Variants in LPAR1 observed in about 807,000 individuals in gnomAD.
LPAR1 encodes lysophosphatidic acid receptor 1, also known as LPA receptor 1.
Under a neutral mutation model 23.8 loss-of-function variants are expected in LPAR1, and 5 were observed. That is an observed-to-expected ratio of 0.21 (90% CI 0.11 to 0.44). The LOEUF (loss-of-function observed/expected upper bound fraction) is 0.44, where lower values mean the gene tolerates loss of function less well. Among genes scored for constraint, LPAR1 ranks in the 20% least tolerant of loss-of-function variants. The pLI, the probability that LPAR1 is intolerant of heterozygous loss-of-function variation, is 0.99. For missense variants in LPAR1, 311 were observed against 482.8 expected (o/e 0.64, Z 3.33); for synonymous variants, 160 against 164.7 (o/e 0.97, Z 0.22).
At chr9:110,909,689 G>T (rs2092077229) in intron 5 of LPAR1, among the ~76,000 whole-genome samples, 1 of 151,890 alleles carries the variant, frequency 6.6e-6, no homozygotes, top group African/African-American at 2.4e-5. Flanking sequence ...GGTGATCTGT[G>T]ATCAGTGTTC....
At chr9:110,952,914 C>T (rs1170156471) in intron 4 of LPAR1, among the ~76,000 whole-genome samples, 1 of 152,160 alleles carries the variant, frequency 6.6e-6, no homozygotes, top group Non-Finnish European at 1.5e-5. Flanking sequence ...CTGCCCCAAC[C>T]ACCACCACTG....
intron 4 of LPAR1, among the ~76,000 whole-genome samples, chr9:110,947,980 G>A (rs1399688998): frequency 2.6e-5 from 4 of 152,178 alleles, no homozygotes; most frequent in African/African-American, 4.8e-5. Context: ...AGAGTGAGCC[G>A]GGGCGGGGGC....
intron 4 of LPAR1, among the ~76,000 whole-genome samples, chr9:110,955,506 T>C (rs533663709): frequency 1.3e-5 from 2 of 152,164 alleles, no homozygotes; most frequent in Admixed American, 6.5e-5. Flanking sequence ...ACTCTCAGCA[T>C]TGGGAAAAAA....
At position 110,875,575 on chromosome 9, in the gene LPAR1, C is replaced by T. The variant is rs769855870; in HGVS notation, c.941G>A (p.Arg314His). The T allele has an allele frequency of 5.6e-6, 9 of 1,613,840 alleles. 1 individual carries two copies. Among genetic ancestry groups the T allele is most frequent in the South Asian group, 5.5e-5 (5 of 91,080 alleles). ...SAMNPIIYSY[R>H]DKEMSATFRQ... The stretch of plus-strand genomic sequence containing the variant: ...AAAGGTGGCGCTCATTTCTTTGTCG[C>T]GGTAGGAGTAAATGATGGGGTTCAT... The change falls in exon 6 of 6, where the codon CGC becomes CAC. Residue 314 changes from arginine (R) to histidine (H), a missense_variant. Arg to His is a conservative substitution (Grantham distance 29, BLOSUM62 0). Coordinates refer to ENST00000683809, the MANE Select transcript of LPAR1 (RefSeq NM_001351411.2).
intron 2 of LPAR1, among the ~76,000 whole-genome samples, chr9:111,021,344 G>T (rs1484502040): frequency 6.6e-6 from 1 of 152,092 alleles, no homozygotes; most frequent in Non-Finnish European, 1.5e-5. Context: ...AAGATAAGCT[G>T]AATTGCCAAG....
At chr9:111,021,025 TTCACG>T in intron 2 of LPAR1, among the ~76,000 whole-genome samples, 1 of 152,276 alleles carries the variant, frequency 6.6e-6, no homozygotes, top group South Asian at 2.1e-4. Flanking sequence ...TAATAACATA[TTCACG>T]TTACAATAAA....
At chr9:110,937,344 G>A (rs915613147) in intron 5 of LPAR1, among the ~76,000 whole-genome samples, 11 of 152,080 alleles carry the variant, frequency 7.2e-5, no homozygotes, top group Admixed American at 6.6e-4. Flanking sequence ...TTGATTAAAG[G>A]GAAGTAGAAT....
intron 2 of LPAR1, among the ~76,000 whole-genome samples, chr9:111,027,171 T>A (rs2141348610): frequency 6.6e-6 from 1 of 152,156 alleles, no homozygotes; most frequent in African/African-American, 2.4e-5. Context: ...CTTTTTTTGG[T>A]TGGTAGGCTA....
chr9:110,923,292 G>A (rs866022901), intron 5 of LPAR1, among the ~76,000 whole-genome samples: 14 of 152,088 alleles, frequency 9.2e-5, no homozygotes, highest in Admixed American at 5.2e-4. Flanking sequence ...TTATACAGAC[G>A]GTCCCTGACT....
At chr9:110,918,799 A>C (rs1281283861) in intron 5 of LPAR1, among the ~76,000 whole-genome samples, 1 of 152,232 alleles carries the variant, frequency 6.6e-6, no homozygotes, top group East Asian at 1.9e-4. Context: ...TTAAAAACTA[A>C]GTATACATTT....
At chr9:110,907,308 C>A (rs925932507) in intron 5 of LPAR1, among the ~76,000 whole-genome samples, 2 of 152,110 alleles carry the variant, frequency 1.3e-5, no homozygotes, top group Non-Finnish European at 2.9e-5. Context: ...ACTTGACAGA[C>A]CCTGAGCCAC....
chr9:110,981,154 C>T (rs189848499), intron 2 of LPAR1, among the ~76,000 whole-genome samples: 3 of 152,118 alleles, frequency 2.0e-5, no homozygotes, highest in Admixed American at 2.0e-4. Context: ...TTCACAATCC[C>T]CTGATTTTCT....
chr9:110,963,688 C>T (rs2096086097), intron 4 of LPAR1, among the ~76,000 whole-genome samples: 2 of 152,040 alleles, frequency 1.3e-5, no homozygotes, highest in Admixed American at 1.3e-4. Context: ...AAAAGAACTT[C>T]CAGACTAATC....
chr9:111,000,090 C>T (rs557407668), intron 2 of LPAR1, among the ~76,000 whole-genome samples: 1 of 152,270 alleles, frequency 6.6e-6, no homozygotes, highest in East Asian at 1.9e-4. Flanking sequence ...CTAATACCAT[C>T]GCCTTGGGGA....
At chr9:111,016,857 G>A (rs2097457307) in intron 2 of LPAR1, among the ~76,000 whole-genome samples, 1 of 152,206 alleles carries the variant, frequency 6.6e-6, no homozygotes, top group Admixed American at 6.5e-5. Context: ...TGGCTTTTCT[G>A]AGATAAGCAA....
At chr9:111,000,633 G>A (rs1276063960) in intron 2 of LPAR1, among the ~76,000 whole-genome samples, 1 of 152,178 alleles carries the variant, frequency 6.6e-6, no homozygotes, top group African/African-American at 2.4e-5. Context: ...TCTGAAACCA[G>A]GCAGGAACCT....
At chr9:110,957,051 T>A (rs557300560) in intron 4 of LPAR1, among the ~76,000 whole-genome samples, 1 of 151,974 alleles carries the variant, frequency 6.6e-6, no homozygotes, top group African/African-American at 2.4e-5. Context: ...ATCAGCAAAC[T>A]GAATCTAATA....
At chr9:110,982,279 T>C (rs2139051322) in intron 2 of LPAR1, among the ~76,000 whole-genome samples, 1 of 152,276 alleles carries the variant, frequency 6.6e-6, no homozygotes, top group East Asian at 1.9e-4. Flanking sequence ...ATATACACCA[T>C]GGAATACTAT....
At chr9:110,904,986 C>G (rs1332837363) in intron 5 of LPAR1, among the ~76,000 whole-genome samples, 2 of 152,166 alleles carry the variant, frequency 1.3e-5, no homozygotes, top group African/African-American at 2.4e-5. Context: ...TAGCATAAAC[C>G]TACTGGAGCA....
Sources: allele counts gnomAD v4.1 joint callset (sites outside exome capture counted in the v4.1 genomes callset), GRCh38; gene constraint gnomAD v4.1.1; transcripts MANE v1.5; gene names NCBI Gene and HGNC (gene_info 2026-07-23, HGNC 2026-07-21).